The following SLF2 variants were observed in gnomAD, a reference collection of about 807,000 sequenced individuals.
The protein encoded by SLF2 is SMC5/6 complex localization factor 2.
Under a neutral mutation model 124.3 loss-of-function variants are expected in SLF2, and 68 were observed. The ratio of observed to expected loss-of-function variants is 0.55; its 90% CI spans 0.45 to 0.67. SLF2 has a LOEUF of 0.67. Among genes scored for constraint, SLF2 ranks in the 30% least tolerant of loss-of-function variants. The pLI is 0.00. For missense variants in SLF2, 1,246 were observed against 1,373.7 expected, an observed-to-expected ratio of 0.91 and a Z score of 1.47; for synonymous variants, 480 against 478.8, an observed-to-expected ratio of 1.00 and a Z score of -0.03.
chr10:100,924,840 C>T lies in SLF2; in HGVS notation c.1839C>T (p.Asp613=). 1 of 1,614,136 alleles carries T rather than the reference C, an allele frequency of 6.2e-7. No homozygotes were observed. The highest frequency in any genetic ancestry group is 8.5e-7 in the Non-Finnish European group (1 of 1,180,022). The change falls in exon 5 of 20, where the codon GAC becomes GAT. Residue 613 remains aspartate (D), a synonymous_variant. Coordinates refer to ENST00000238961, the MANE Select transcript of SLF2 (RefSeq NM_018121.4). Reference sequence around the variant, plus strand: ...AAGAAAGTTTAGGTTACAACCTAGACAGTGATGAGGAAGAGGAAACATTAA... The same window carrying T: ...AAGAAAGTTTAGGTTACAACCTAGATAGTGATGAGGAAGAGGAAACATTAA... ...SDEESLGYNL[D]SDEEEETLKS...
Position 100,950,730 on chromosome 10 carries a change from C to T in SLF2, c.3307C>T (p.His1103Tyr), listed in dbSNP as rs1326690240. Residue 1103 changes from histidine to tyrosine, a missense_variant, in exon 17 of 20, where the codon CAT becomes TAT. Around this residue, in one of 3 missense-constraint regions of SLF2, gnomAD observed 535 missense variants for 632.8 expected, o/e 0.85. Coordinates refer to ENST00000238961, the MANE Select transcript of SLF2 (RefSeq NM_018121.4). ...TTTAGTCGGTGAAGTTAGTTGTTCT[C>T]ATTCTTTTTCTTCTGGACAACGGGT... ...LHLVGEVSCSHSFSSGQRKHF... is the reference protein window; with the variant it reads ...LHLVGEVSCSYSFSSGQRKHF... 6.2e-7 allele frequency: 1 copy of T among 1,613,952 alleles called. No homozygotes were observed. Among genetic ancestry groups the T allele is most frequent in the East Asian group, 2.2e-5 (1 of 44,844 alleles).
chr10:100,947,873 T>A, intron 15 of SLF2, 26 bp downstream of exon 15: 1 of 1,547,544 alleles, frequency 6.5e-7, no homozygotes, highest in Non-Finnish European at 8.9e-7. Flanking sequence ...TTTTTATTTT[T>A]AATAAATGGG....
intron 5 of SLF2, among the ~76,000 whole-genome samples, chr10:100,925,495 ATGT>A (rs1385471875): frequency 1.3e-5 from 2 of 152,150 alleles, no homozygotes; most frequent in African/African-American, 2.4e-5. Flanking sequence ...GAGTGTAGAA[ATGT>A]TGTTGATTGT....
Position 100,939,741 on chromosome 10 carries a change from A to G in SLF2, c.2654+1005A>G, listed in dbSNP as rs571229184. 1.1e-4 allele frequency among the ~76,000 whole-genome samples: 17 copies of G among 152,310 alleles called. No individual in the cohort carries two copies. In the South Asian group the frequency reaches 3.5e-3, roughly 32 times the overall value. The stretch of plus-strand genomic sequence containing the variant: ...TTTCAAGTCAATAAGAAAAAGATCA[A>G]TACCTATTAGAAAAATGGGCAGAGG... On this transcript the variant is annotated intron_variant, in intron 11 of 19. Coordinates refer to ENST00000238961, the MANE Select transcript of SLF2 (RefSeq NM_018121.4).
intron 2 of SLF2, among the ~76,000 whole-genome samples, chr10:100,916,362 A>G (rs1379721031): frequency 6.6e-6 from 1 of 152,196 alleles, no homozygotes; most frequent in African/African-American, 2.4e-5. Flanking sequence ...AGAGAGCTTT[A>G]TGAAACTAAG....
chr10:100,929,522 T>C, intron 7 of SLF2, 83 bp downstream of exon 7: 2 of 1,189,506 alleles, frequency 1.7e-6, no homozygotes, highest in South Asian at 3.5e-5. Flanking sequence ...AATGGGCCAT[T>C]GATGGCTGTT....
intron 18 of SLF2, among the ~76,000 whole-genome samples, chr10:100,958,554 TCTTA>T (rs1343634239): frequency 6.6e-6 from 1 of 152,220 alleles, no homozygotes; most frequent in Non-Finnish European, 1.5e-5. Context: ...CCAGTGCTTC[TCTTA>T]CTTAAAGTGG....
intron 6 of SLF2, 35 bp from the exon 7 acceptor site, chr10:100,929,282 G>A (rs1325662994): frequency 1.3e-6 from 2 of 1,562,640 alleles, no homozygotes; most frequent in African/African-American, 2.8e-5. Flanking sequence ...AATATTTTTA[G>A]AGTAAACTGT....
At chr10:100,930,952 G>A (rs1452060282) in intron 8 of SLF2, 24 bp from the exon 9 acceptor site, 6 of 1,586,112 alleles carry the variant, frequency 3.8e-6, no homozygotes, top group Non-Finnish European at 5.2e-6. Context: ...TAATAGCCAT[G>A]TTGATTTTAC....
Position 100,924,166 on chromosome 10 carries a change from T to C in SLF2, c.1165T>C (p.Leu389=). 1 of 1,614,052 alleles carries C rather than the reference T, an allele frequency of 6.2e-7. No individual in the cohort carries two copies. The highest frequency in any genetic ancestry group is 8.5e-7 in the Non-Finnish European group (1 of 1,179,986). The change falls in exon 5 of 20, where the codon TTA becomes CTA. Residue 389 remains leucine, a synonymous_variant. Transcript: ENST00000238961. ...GAAGACACCTGGTGATGTGTTGCGC[T>C]TAGAAGATATATCCAAGGAACCGAG... ...ALKTPGDVLR[L]EDISKEPSDE... is the part of the protein sequence containing the mutation.
intron 1 of SLF2, among the ~76,000 whole-genome samples, chr10:100,915,410 C>T (rs1849395377): frequency 6.6e-6 from 1 of 152,166 alleles, no homozygotes; most frequent in Non-Finnish European, 1.5e-5. Flanking sequence ...GCAAACTCCT[C>T]TTCAACTGAT....
intron 1 of SLF2, among the ~76,000 whole-genome samples, 197 bp from the exon 2 acceptor site, chr10:100,915,802 C>T (rs1223183887): frequency 6.6e-6 from 1 of 152,030 alleles, no homozygotes; most frequent in Non-Finnish European, 1.5e-5. Flanking sequence ...TATAAATGAA[C>T]TCCTATAGGA....
Position 100,950,139 on chromosome 10 carries a change from T to A in SLF2, c.3184T>A (p.Leu1062Met), listed in dbSNP as rs1273259178. Residue 1062 changes from leucine (L) to methionine (M), a missense_variant, in exon 16 of 20, where the codon TTG (leucine) becomes ATG (methionine). Leu to Met is a conservative substitution (Grantham distance 15). This residue lies in a region of SLF2 where 535 missense variants were observed against 632.8 expected (regional missense o/e 0.85). Coordinates refer to ENST00000238961, the MANE Select transcript of SLF2 (RefSeq NM_018121.4). ...TTCTGATTTGTTAAAGAAAATGGTC[T>A]TGAAGAAAAAGGCTGAACAACCAGA... ...KPSDLLKKMV[L>M]KKKAEQPDGI... 6.2e-7 allele frequency: 1 copy of A among 1,613,988 alleles called. No homozygotes were observed. The highest frequency in any genetic ancestry group is 1.3e-5 in the African/African-American group (1 of 75,058).
chr10:100,932,063 C>T (rs1347769997), intron 9 of SLF2, among the ~76,000 whole-genome samples: 1 of 151,768 alleles, frequency 6.6e-6, no homozygotes, highest in South Asian at 2.1e-4. Context: ...TCTGTATCAA[C>T]AAGTACTATA....
chr10:100,964,616 A>G lies in SLF2; in HGVS notation c.*2704A>G, dbSNP rs1203637467. The G allele has an allele frequency of 3.3e-5, 5 of 152,668 alleles. No homozygotes were observed. Among genetic ancestry groups the G allele is most frequent in the Admixed American group, 6.5e-5 (1 of 15,290 alleles). The allele number at this position is 152,668 out of a possible 1,614,324, so 9.5% of individuals were successfully genotyped here. ...AATAGTAGCTTGCTTTCAGCTTCAC[A>G]AAAATCTCCTCAAATGTAAAAGATA... On this transcript the variant is annotated 3_prime_UTR_variant, in exon 20 of 20. Transcript: ENST00000238961.
chr10:100,933,495 T>G (rs986409036), intron 9 of SLF2, among the ~76,000 whole-genome samples: 4 of 152,148 alleles, frequency 2.6e-5, no homozygotes, highest in African/African-American at 9.7e-5. Context: ...CAGTATTTTG[T>G]AAGTTTAATG....
chr10:100,913,964 C>G (rs1000829158), intron 1 of SLF2: 35 of 799,352 alleles, frequency 4.4e-5, no homozygotes, highest in Non-Finnish European at 5.0e-5. Context: ...TACTGTGGTA[C>G]AGGCCCACAA....
At position 100,952,198 on chromosome 10, in the gene SLF2, C is replaced by T. The variant is rs11814893; in HGVS notation, c.3330+1445C>T. ...GGCGGAGGTTGCAGTGAGGCAAGAT[C>T]GTGCCATTGCACTCCAGCCTGGGCA... On this transcript the variant is annotated intron_variant, in intron 17 of 19. Coordinates refer to ENST00000238961, the MANE Select transcript of SLF2 (RefSeq NM_018121.4). 4.0e-3 allele frequency among the ~76,000 whole-genome samples: 610 copies of T among 151,634 alleles called. 6 individuals are homozygous for T. Among genetic ancestry groups the T allele is most frequent in the African/African-American group, 0.014 (589 of 41,270 alleles).
rs1377817843 is a variant in SLF2 at position 100,964,226 on chromosome 10, T to C, written c.*2314T>C. 1 of 152,632 alleles carries C rather than the reference T, an allele frequency of 6.6e-6. No homozygotes were observed. The highest frequency in any genetic ancestry group is 1.5e-5 in the Non-Finnish European group (1 of 68,034). 9.5% of individuals were successfully genotyped at this position (152,632 alleles called of 1,614,324 possible). A position where few individuals can be genotyped will look rare whatever the true frequency, so the allele number is the denominator to read the frequency against. On this transcript the variant is annotated 3_prime_UTR_variant, in exon 20 of 20. Coordinates refer to ENST00000238961, the MANE Select transcript of SLF2 (RefSeq NM_018121.4). ...TTGCACAGAGAATGTCAGGCCACTTTGGGGACTTGGCAAACGAAGCTTGCA... is the reference window on the plus strand; with the variant it reads ...TTGCACAGAGAATGTCAGGCCACTTCGGGGACTTGGCAAACGAAGCTTGCA...
Sources: gnomAD v4.1 joint callset for allele counts (sites outside exome capture counted in the v4.1 genomes callset) on GRCh38, gnomAD v4.1.1 for gene constraint, gnomAD v4.1.1 regional missense constraint, MANE v1.5 for transcripts, NCBI Gene and HGNC (gene_info 2026-07-23, HGNC 2026-07-21) for gene names.